The following CNGA1 variants were observed in gnomAD, a reference collection of about 807,000 sequenced individuals.
CNGA1 encodes cyclic nucleotide gated channel subunit alpha 1.
In CNGA1, 53 loss-of-function variants were observed where a neutral mutation model predicts 69.7. The observed-to-expected ratio is 0.76, with a 90% CI of 0.61 to 0.96. The LOEUF is 0.96. Among genes scored for constraint, CNGA1 ranks in the 40% least tolerant of loss-of-function variants. CNGA1 has a pLI of 0.00. For missense variants in CNGA1, 739 were observed against 811.2 expected (o/e 0.91, Z 1.08); for synonymous variants, 249 against 283.5 (o/e 0.88, Z 1.22).
intron 3 of CNGA1, among the ~76,000 whole-genome samples, chr4:47,960,256 A>G (rs1740349156): frequency 1.3e-5 from 2 of 152,214 alleles, no homozygotes; most frequent in African/African-American, 4.8e-5. Context: ...TAAAAGACCA[A>G]CACCCCAAAT....
chr4:47,947,236 T>C (rs1739449842), intron 6 of CNGA1, among the ~76,000 whole-genome samples: 1 of 152,214 alleles, frequency 6.6e-6, no homozygotes. Flanking sequence ...GTTGCATAGA[T>C]GGGTCAGTTT....
intron 6 of CNGA1, among the ~76,000 whole-genome samples, chr4:47,948,580 G>A (rs192175415): frequency 3.3e-5 from 5 of 152,190 alleles, no homozygotes; most frequent in Non-Finnish European, 2.9e-5. Flanking sequence ...ATTAAGCTAC[G>A]GCTACTCCCC....
At chr4:48,003,924 A>C (rs889587561) in intron 2 of CNGA1, among the ~76,000 whole-genome samples, 2 of 149,374 alleles carry the variant, frequency 1.3e-5, no homozygotes, top group Non-Finnish European at 3.0e-5. Flanking sequence ...TTTAGAAAAG[A>C]CTCTATCCTC....
intron 1 of CNGA1, among the ~76,000 whole-genome samples, 191 bp from the exon 2 acceptor site, chr4:48,011,084 C>T (rs1224459552): frequency 6.6e-6 from 1 of 152,140 alleles, no homozygotes; most frequent in Admixed American, 6.5e-5. Flanking sequence ...ATTTCTTTAC[C>T]TCCTGTTTTT....
At chr4:47,983,445 T>A (rs894858339) in intron 2 of CNGA1, among the ~76,000 whole-genome samples, 2 of 151,742 alleles carry the variant, frequency 1.3e-5, no homozygotes, top group African/African-American at 4.8e-5. Context: ...AAAAACTAGC[T>A]GGGCGTGGTG....
At chr4:47,984,663 TACACACACACACACACAC>T (rs60055899) in intron 2 of CNGA1, among the ~76,000 whole-genome samples, 1 of 127,280 alleles carries the variant, frequency 7.9e-6, no homozygotes, top group Admixed American at 7.6e-5. Context: ...TATATATATA[TACACACACACACACACAC>T]ACACACACAC....
At chr4:47,942,485 A>T (rs1739146986) in intron 8 of CNGA1, among the ~76,000 whole-genome samples, 1 of 152,106 alleles carries the variant, frequency 6.6e-6, no homozygotes, top group South Asian at 2.1e-4. Flanking sequence ...TAAAGCATAC[A>T]TTAGGTTTTT....
chr4:47,982,713 C>T (rs1741777305), intron 2 of CNGA1, among the ~76,000 whole-genome samples: 1 of 152,020 alleles, frequency 6.6e-6, no homozygotes, highest in African/African-American at 2.4e-5. Flanking sequence ...TTTAAGATTA[C>T]ATAATCTTCT....
intron 2 of CNGA1, among the ~76,000 whole-genome samples, chr4:47,983,332 T>C (rs2110221242): frequency 6.6e-6 from 1 of 152,254 alleles, no homozygotes; most frequent in Middle Eastern, 3.4e-3. Flanking sequence ...GGCTCACGCC[T>C]GTAATCCCAG....
intron 3 of CNGA1, among the ~76,000 whole-genome samples, chr4:47,959,797 G>T (rs911444388): frequency 2.6e-5 from 4 of 151,996 alleles, no homozygotes; most frequent in African/African-American, 9.7e-5. Flanking sequence ...GTAGAGTCGG[G>T]GTTTCACCAT....
intron 2 of CNGA1, among the ~76,000 whole-genome samples, chr4:47,983,301 A>G (rs1741826415): frequency 6.6e-6 from 1 of 152,170 alleles, no homozygotes; most frequent in South Asian, 2.1e-4. Context: ...TAAGAAAATA[A>G]GCCCCTTGGC....
rs186376835 is a variant in CNGA1, at chr4:47,962,276, G to T, written c.-14-9573C>A. On this transcript the variant is annotated intron_variant, in intron 3 of 10. Transcript: ENST00000514170. ...GGAGAATCGCTTGAACCAGGGAGTC[G>T]GAGGTTGCAGTGAGCCAAGATCATG... 2.1e-3 allele frequency among the ~76,000 whole-genome samples: 315 copies of T among 151,590 alleles called. 1 individual carries two copies. Among genetic ancestry groups the T allele is most frequent in the African/African-American group, 7.3e-3 (302 of 41,274 alleles).
chr4:47,980,544 G>C (rs574200928), intron 3 of CNGA1, among the ~76,000 whole-genome samples: 1 of 144,726 alleles, frequency 6.9e-6, no homozygotes, highest in Non-Finnish European at 1.5e-5. Flanking sequence ...GTGTGATCTC[G>C]GCTCACTGCA....
At chr4:47,942,689 G>A (rs1047247002) in intron 8 of CNGA1, among the ~76,000 whole-genome samples, 5 of 152,246 alleles carry the variant, frequency 3.3e-5, no homozygotes, top group African/African-American at 7.2e-5. Flanking sequence ...GCCTGAGCTC[G>A]GCCTCCTGTC....
chr4:47,936,477 C>G lies in CNGA1; in HGVS notation c.2005G>C (p.Glu669Gln). 1 of 1,614,170 alleles carries G rather than the reference C, an allele frequency of 6.2e-7. No homozygotes were observed. The highest frequency in any genetic ancestry group is 8.5e-7 in the Non-Finnish European group (1 of 1,180,016). Reference sequence around the variant, plus strand: ...CCAGGTCCCTCAATACTTGAAAATTCTGTGTCAATAAGCGGTTTCAGAAAT... The same window carrying G: ...CCAGGTCCCTCAATACTTGAAAATTGTGTGTCAATAAGCGGTTTCAGAAAT... Reference protein sequence around the residue: ...EKFLKPLIDTEFSSIEGPGAE... With the variant: ...EKFLKPLIDTQFSSIEGPGAE... The change falls in exon 11 of 11, where the codon GAA becomes CAA. Residue 669 changes from glutamate to glutamine, a missense_variant. Glu to Gln is a conservative substitution (Grantham distance 29). Coordinates refer to ENST00000514170, the MANE Select transcript of CNGA1 (RefSeq NM_001379270.1).
At chr4:47,962,145 A>T (rs1331335059) in intron 3 of CNGA1, among the ~76,000 whole-genome samples, 1 of 152,138 alleles carries the variant, frequency 6.6e-6, no homozygotes, top group African/African-American at 2.4e-5. Flanking sequence ...GGAGATTGAG[A>T]CCATCCTGGC....
At chr4:47,949,685 T>TTTAAAAAAAAAAAAAAAA in intron 6 of CNGA1, 148 bp downstream of exon 6, 1 of 644,304 alleles carries the variant, frequency 1.6e-6, no homozygotes, top group Non-Finnish European at 2.7e-6. Flanking sequence ...ACACTACTTT[T>TTTAAAAAAAAAAAAAAAA]CAACAAAATG....
intron 6 of CNGA1, among the ~76,000 whole-genome samples, 168 bp from the exon 7 acceptor site, chr4:47,943,580 G>A (rs1387475380): frequency 4.0e-5 from 6 of 151,834 alleles, no homozygotes; most frequent in Admixed American, 2.0e-4. Flanking sequence ...TGGGGGGTGG[G>A]GCAGACAATT....
At chr4:48,009,360 G>A (rs903192232) in intron 2 of CNGA1, among the ~76,000 whole-genome samples, 9 of 150,530 alleles carry the variant, frequency 6.0e-5, no homozygotes, top group Non-Finnish European at 8.8e-5. Flanking sequence ...CAGCTACTCC[G>A]AAGCTGAGGC....
Sources: gnomAD v4.1 joint callset for allele counts (sites outside exome capture counted in the v4.1 genomes callset) on GRCh38, gnomAD v4.1.1 for gene constraint, MANE v1.5 for transcripts, NCBI Gene and HGNC (gene_info 2026-07-23, HGNC 2026-07-21) for gene names.